Variants in PCDHGB7 observed in about 807,000 individuals in gnomAD.
The protein encoded by PCDHGB7 is protocadherin gamma-B7.
Under a neutral mutation model 61.4 loss-of-function variants are expected in PCDHGB7, and 37 were observed. The observed-to-expected ratio is 0.60, with a 90% CI of 0.46 to 0.79. The LOEUF (loss-of-function observed/expected upper bound fraction) is 0.79, where lower values mean the gene tolerates loss of function less well. Among genes scored for constraint, PCDHGB7 ranks in the 30% least tolerant of loss-of-function variants. PCDHGB7 has a pLI of 0.00. For synonymous variants in PCDHGB7, 464 were observed against 503.5 expected (o/e 0.92, Z 1.05); for missense variants, 1,166 against 1,202.5 (o/e 0.97, Z 0.45).
chr5:141,484,123 T>C (rs2099592351), intron 1 of PCDHGB7, among the ~76,000 whole-genome samples: 1 of 152,174 alleles, frequency 6.6e-6, no homozygotes, highest in South Asian at 2.1e-4. Flanking sequence ...AAGAATACCT[T>C]GGTGTCAGAT....
intron 2 of PCDHGB7, among the ~76,000 whole-genome samples, chr5:141,497,293 C>T (rs1270907262): frequency 6.6e-6 from 1 of 152,136 alleles, no homozygotes. Flanking sequence ...TACCTACCAC[C>T]ACCCCAGGCC....
intron 1 of PCDHGB7, chr5:141,427,689 A>C (rs3749765): frequency 0.15 from 132,103 of 873,882 alleles, 11,769 homozygotes; most frequent in African/African-American, 0.33. Flanking sequence ...CGGAGCCTCC[A>C]TCCCACAAGT....
At chr5:141,465,657 G>T (rs904553709) in intron 1 of PCDHGB7, among the ~76,000 whole-genome samples, 2 of 152,130 alleles carry the variant, frequency 1.3e-5, no homozygotes, top group Non-Finnish European at 2.9e-5. Context: ...CCAAAAAAGC[G>T]CTTGCCATGA....
intron 1 of PCDHGB7, among the ~76,000 whole-genome samples, chr5:141,438,454 T>C (rs2097961593): frequency 6.6e-6 from 1 of 151,734 alleles, no homozygotes; most frequent in Admixed American, 6.6e-5. Flanking sequence ...AATACAATGC[T>C]TGAGTTCAAT....
chr5:141,469,677 T>C (rs1271778909), intron 1 of PCDHGB7, among the ~76,000 whole-genome samples: 1 of 152,246 alleles, frequency 6.6e-6, no homozygotes, highest in African/African-American at 2.4e-5. Context: ...TAAAACTACA[T>C]ATGCATTGGT....
In PCDHGB7 at chr5:141,422,312, C is replaced by T; in HGVS notation, c.2415+2038C>T. On this transcript the variant is annotated intron_variant, in intron 1 of 3. Coordinates refer to ENST00000398594, the MANE Select transcript of PCDHGB7 (RefSeq NM_018927.4). ...ATTAATTCAATTCTGGAAAACTCTC[C>T]TCCAGGTACAGTGATTGCTCTTCTA... The T allele has an allele frequency of 1.9e-6, 3 of 1,547,444 alleles. No individual in the cohort carries two copies. Among genetic ancestry groups the T allele is most frequent in the Non-Finnish European group, 1.7e-6 (2 of 1,153,976 alleles).
rs1299573831 is a variant in PCDHGB7 at position 141,500,662 on chromosome 5, T to A, written c.2475-4731T>A. 5.3e-5 allele frequency among the ~76,000 whole-genome samples: 8 copies of A among 152,352 alleles called. No homozygotes were observed. The East Asian group carries it at 1.5e-3, about 29-fold the overall frequency. ...TTTTTAAAAATAGCAACTGAGGCCA[T>A]ACTGTCCAACAGAATTATAGCTTTT... On this transcript the variant is annotated intron_variant, in intron 2 of 3. Coordinates refer to ENST00000398594, the MANE Select transcript of PCDHGB7 (RefSeq NM_018927.4).
intron 1 of PCDHGB7, chr5:141,441,470 C>G (rs1170727138): frequency 5.9e-6 from 1 of 168,868 alleles, no homozygotes; most frequent in East Asian, 1.9e-4. Context: ...ATTGGCGATG[C>G]CAACGACAAT....
chr5:141,427,978 T>C (rs750753961), intron 1 of PCDHGB7: 1 of 1,595,484 alleles, frequency 6.3e-7, no homozygotes, highest in African/African-American at 1.3e-5. Flanking sequence ...TACCCCGCGC[T>C]GGGGCCCGAT....
chr5:141,476,455 G>C lies in PCDHGB7; in HGVS notation c.2416-18352G>C, dbSNP rs572682842. On this transcript the variant is annotated intron_variant, in intron 1 of 3. Transcript: ENST00000398594. The surrounding 1 kb of genome is among the most constrained non-coding windows in gnomAD (Gnocchi z 7.6). ...CTGTAACTCTGGAGTTGGTAGTGGA[G>C]AACCCGCTGGAGCTGTTCAGCGTGG... 22 of 1,614,152 alleles carry C rather than the reference G, an allele frequency of 1.4e-5. No homozygotes were observed. In the South Asian group the frequency reaches 2.4e-4, roughly 18 times the overall value.
intron 1 of PCDHGB7, among the ~76,000 whole-genome samples, chr5:141,488,463 C>T (rs926068842): frequency 6.6e-6 from 1 of 152,164 alleles, no homozygotes; most frequent in African/African-American, 2.4e-5. Flanking sequence ...GATTCAGCCC[C>T]AGAAATGTTC....
rs978782104 is a variant in PCDHGB7 at position 141,431,445 on chromosome 5, G to C, written c.2415+11171G>C. 1 of 1,613,742 alleles carries C rather than the reference G, an allele frequency of 6.2e-7. No homozygotes were observed. On this transcript the variant is annotated intron_variant, in intron 1 of 3. Transcript: ENST00000398594. This position sits in a 1 kb window ranked among gnomAD's most constrained non-coding sequence, Gnocchi z 4.8. ...GTGCGCACAGGCACCGCGCGCATCC[G>C]CGTGATGGTTCTGGATGCGAACGAC...
intron 1 of PCDHGB7, among the ~76,000 whole-genome samples, chr5:141,443,832 A>G (rs2098407108): frequency 6.6e-6 from 1 of 152,224 alleles, no homozygotes; most frequent in African/African-American, 2.4e-5. Context: ...ATTAGGTAAA[A>G]TGGGTAATAT....
chr5:141,484,532 G>A (rs1421387882), intron 1 of PCDHGB7, among the ~76,000 whole-genome samples: 1 of 152,182 alleles, frequency 6.6e-6, no homozygotes, highest in Non-Finnish European at 1.5e-5. Context: ...TTGAGTATAT[G>A]GCAGTGGTTC....
Position 141,432,244 on chromosome 5 carries a change from C to T in PCDHGB7, c.2415+11970C>T. 1 of 1,614,262 alleles carries T rather than the reference C, an allele frequency of 6.2e-7. No homozygotes were observed. Among genetic ancestry groups the T allele is most frequent in the Non-Finnish European group, 8.5e-7 (1 of 1,180,048 alleles). On this transcript the variant is annotated intron_variant, in intron 1 of 3. Coordinates refer to ENST00000398594, the MANE Select transcript of PCDHGB7 (RefSeq NM_018927.4). The surrounding 1 kb of genome is among the most constrained non-coding windows in gnomAD (Gnocchi z 6.0). ...TCACTTATTCCCTGGCTGAGAACAC[C>T]ATCCAAGGGGCAAGCCTATCGTCCT...
At chr5:141,461,178 G>A (rs2154567263) in intron 1 of PCDHGB7, among the ~76,000 whole-genome samples, 1 of 152,144 alleles carries the variant, frequency 6.6e-6, no homozygotes, top group East Asian at 1.9e-4. Context: ...TGGATTGAAT[G>A]GTAGATCTGT....
chr5:141,466,686 T>G (rs112499949), intron 1 of PCDHGB7, among the ~76,000 whole-genome samples: 2 of 152,352 alleles, frequency 1.3e-5, no homozygotes, highest in African/African-American at 4.8e-5. Flanking sequence ...CCACTCAAGC[T>G]TCATCATAAA....
Position 141,510,999 on chromosome 5 carries a change from G to C in PCDHGB7, c.2616G>C (p.Leu872Phe). Residue 872 changes from leucine (L) to phenylalanine (F), a missense_variant, in exon 4 of 4, where the codon TTG (leucine) becomes TTC (phenylalanine). Coordinates refer to ENST00000398594, the MANE Select transcript of PCDHGB7 (RefSeq NM_018927.4). ...GAGGGGGTGCCGGCACCATGGGATT[G>C]AGCGCCCGCTACGGACCCCAGTTCA... ...TLGGGAGTMG[L>F]SARYGPQFTL... 6.2e-7 allele frequency: 1 copy of C among 1,614,144 alleles called. No homozygotes were observed. Among genetic ancestry groups the C allele is most frequent in the Non-Finnish European group, 8.5e-7 (1 of 1,180,008 alleles).
chr5:141,459,503 A>T (rs1346447458), intron 1 of PCDHGB7, among the ~76,000 whole-genome samples: 1 of 152,242 alleles, frequency 6.6e-6, no homozygotes, highest in Non-Finnish European at 1.5e-5. Flanking sequence ...AGTGATGTGA[A>T]CAATCATGTA....
Sources: allele counts gnomAD v4.1 joint callset (sites outside exome capture counted in the v4.1 genomes callset), GRCh38; gene constraint gnomAD v4.1.1; non-coding constraint Gnocchi (gnomAD v3.1); transcripts MANE v1.5; gene names NCBI Gene and HGNC (gene_info 2026-07-23, HGNC 2026-07-21).